ANTXR1: variants seen among roughly 807,000 people sequenced by gnomAD.
ANTXR1 encodes ANTXR cell adhesion molecule 1.
Under a neutral mutation model 78.1 loss-of-function variants are expected in ANTXR1, and 19 were observed. The ratio of observed to expected loss-of-function variants is 0.24; its 90% CI spans 0.17 to 0.36. The LOEUF is 0.36. Among genes scored for constraint, ANTXR1 ranks in the 10% least tolerant of loss-of-function variants. The probability of loss-of-function intolerance (pLI) is 1.00; values close to 1 mark genes in which losing one functional copy is unlikely to be tolerated. For missense variants in ANTXR1, 518 were observed against 718.6 expected (o/e 0.72, Z 3.19); for synonymous variants, 273 against 260.5 (o/e 1.05, Z -0.46).
At chr2:69,215,233 G>T (rs1388987321) in intron 17 of ANTXR1, among the ~76,000 whole-genome samples, 1 of 152,174 alleles carries the variant, frequency 6.6e-6, no homozygotes, top group East Asian at 1.9e-4. Context: ...AAGCCCTGAT[G>T]AAATCTCTAC....
rs79337921 is a variant in ANTXR1, at chr2:69,152,148, G to A, written c.952-21G>A. The A allele has an allele frequency of 8.3e-3, 13,334 of 1,611,682 alleles. 272 individuals are homozygous for A. In the East Asian group the frequency reaches 0.1, roughly 13 times the overall value. ...ACATGGTCCCATCCCGCTGCTGACC[G>A]CCTCTCTCTTGGCCCTGCAGTCTGA... On this transcript the variant is annotated intron_variant, in intron 12 of 17. Coordinates refer to ENST00000303714, the MANE Select transcript of ANTXR1 (RefSeq NM_032208.3).
chr2:69,156,662 G>C (rs1366352349), intron 13 of ANTXR1, among the ~76,000 whole-genome samples: 1 of 152,228 alleles, frequency 6.6e-6, no homozygotes, highest in Non-Finnish European at 1.5e-5. Flanking sequence ...CACATGGTGG[G>C]AGCAGGAGGA....
rs775392233 is a variant in ANTXR1, at chr2:69,181,833, C to T, written c.1137C>T (p.Asp379=). The change falls in exon 15 of 18, where the codon GAC becomes GAT. Residue 379 remains aspartate, a synonymous_variant. Coordinates refer to ENST00000303714, the MANE Select transcript of ANTXR1 (RefSeq NM_032208.3). ...CTAAGAAAAAGTGGCCAACGGTAGA[C>T]GCCTCTTATTATGGTGGGAGAGGCG... ...GLPKKKWPTV[D]ASYYGGRGVG... 2.0e-5 allele frequency: 33 copies of T among 1,613,968 alleles called. No individual in the cohort carries two copies. Among genetic ancestry groups the T allele is most frequent in the East Asian group, 2.2e-5 (1 of 44,886 alleles).
chr2:69,186,270 G>A (rs1674413171), intron 16 of ANTXR1, among the ~76,000 whole-genome samples: 4 of 152,232 alleles, frequency 2.6e-5, no homozygotes, highest in Non-Finnish European at 1.5e-5. Flanking sequence ...AGAAGCACAG[G>A]AAGAAATTCA....
At chr2:69,175,452 CGAT>C (rs1017376103) in intron 14 of ANTXR1, among the ~76,000 whole-genome samples, 3 of 151,832 alleles carry the variant, frequency 2.0e-5, no homozygotes, top group African/African-American at 4.9e-5. Flanking sequence ...CCCCCGCCGC[CGAT>C]ATCTACAAAA....
intron 1 of ANTXR1, among the ~76,000 whole-genome samples, chr2:69,017,811 T>C (rs1671065527): frequency 6.6e-6 from 1 of 152,192 alleles, no homozygotes; most frequent in Non-Finnish European, 1.5e-5. Context: ...AAGAAACAGC[T>C]AGCCTCTTTT....
chr2:69,236,191 C>T (rs1054219305), intron 17 of ANTXR1, among the ~76,000 whole-genome samples: 6 of 152,042 alleles, frequency 3.9e-5, no homozygotes, highest in Admixed American at 2.0e-4. Flanking sequence ...ATAAAGAGCT[C>T]TTACAAATCA....
chr2:69,134,335 C>A (rs187048078), intron 12 of ANTXR1, among the ~76,000 whole-genome samples: 221 of 152,270 alleles, frequency 1.5e-3, no homozygotes, highest in African/African-American at 4.9e-3. Context: ...GCAGCTATAC[C>A]TTTAGAGCCC....
intron 17 of ANTXR1, among the ~76,000 whole-genome samples, chr2:69,209,958 G>A (rs1258475981): frequency 3.9e-5 from 6 of 152,238 alleles, no homozygotes; most frequent in African/African-American, 7.2e-5. Context: ...AAGATGACCA[G>A]GGATGAAGTG....
chr2:69,013,260 A>T lies in ANTXR1; in HGVS notation c.-240A>T. ...CCGGACCGAGGCAGCCCTCCCCTTT[A>T]AAAGAAGCGGAGGACAGGATTGGGA... is the stretch of plus-strand genomic sequence containing the variant. On this transcript the variant is annotated 5_prime_UTR_variant, in exon 1 of 18. Transcript: ENST00000303714. The surrounding 1 kb of genome is among the most constrained non-coding windows in gnomAD (Gnocchi z 5.0). 1.6e-6 allele frequency: 1 copy of T among 631,510 alleles called. No individual in the cohort carries two copies. The highest frequency in any genetic ancestry group is 2.7e-6 in the Non-Finnish European group (1 of 364,730). 39.1% of individuals were successfully genotyped at this position (631,510 alleles called of 1,614,324 possible).
chr2:69,152,336 A>C, intron 13 of ANTXR1, 72 bp downstream of exon 13: 1 of 1,494,522 alleles, frequency 6.7e-7, no homozygotes, highest in Non-Finnish European at 9.3e-7. Context: ...AGTAGAGAGA[A>C]AGGGATTTTT....
At chr2:69,120,397 G>A (rs1226348975) in intron 10 of ANTXR1, among the ~76,000 whole-genome samples, 1 of 152,208 alleles carries the variant, frequency 6.6e-6, no homozygotes, top group African/African-American at 2.4e-5. Context: ...CGGGTGCGGT[G>A]GCTCACGCCT....
intron 12 of ANTXR1, among the ~76,000 whole-genome samples, chr2:69,148,144 G>A (rs1028775789): frequency 6.6e-6 from 1 of 152,172 alleles, no homozygotes; most frequent in African/African-American, 2.4e-5. Context: ...AGTGTCACTG[G>A]GTTAAAGCCA....
intron 10 of ANTXR1, among the ~76,000 whole-genome samples, chr2:69,120,929 T>C (rs965987173): frequency 6.6e-6 from 1 of 152,220 alleles, no homozygotes; most frequent in Admixed American, 6.5e-5. Flanking sequence ...TTTGGAGCCA[T>C]TGTCTGTCTC....
At chr2:69,086,438 A>T (rs1461192095) in intron 8 of ANTXR1, among the ~76,000 whole-genome samples, 1 of 152,206 alleles carries the variant, frequency 6.6e-6, no homozygotes, top group African/African-American at 2.4e-5. Flanking sequence ...TGCCTCTCTT[A>T]CTCGTCCTCC....
chr2:69,111,916 G>A (rs1189518142), intron 10 of ANTXR1, among the ~76,000 whole-genome samples: 7 of 152,178 alleles, frequency 4.6e-5, no homozygotes, highest in Non-Finnish European at 1.0e-4. Context: ...AGGGAGGATC[G>A]AGGGCAGGAG....
At chr2:69,133,905 A>G (rs1017022537) in intron 12 of ANTXR1, among the ~76,000 whole-genome samples, 36 of 152,334 alleles carry the variant, frequency 2.4e-4, no homozygotes, top group Middle Eastern at 3.4e-3. Flanking sequence ...GGCTAAAATC[A>G]TGGTTCTGCT....
rs367747541 is a variant in ANTXR1 at position 69,099,030 on chromosome 2, T to C, written c.704-3812T>C. ...AGTGGTTTTTAATGTATCACAAAGTTGTACAACTATAATAACTATCTAATT... is the reference window on the plus strand; with the variant it reads ...AGTGGTTTTTAATGTATCACAAAGTCGTACAACTATAATAACTATCTAATT... On this transcript the variant is annotated intron_variant, in intron 9 of 17. Transcript: ENST00000303714. Among the ~76,000 whole-genome samples the C allele has an allele frequency of 1.4e-4, 21 of 152,208 alleles. No individual in the cohort carries two copies. In the East Asian group the frequency reaches 3.9e-3, roughly 28 times the overall value.
At chr2:69,083,331 G>A (rs1250120579) in intron 8 of ANTXR1, among the ~76,000 whole-genome samples, 1 of 152,238 alleles carries the variant, frequency 6.6e-6, no homozygotes, top group Non-Finnish European at 1.5e-5. Context: ...AGCAGCAGCA[G>A]CTCTTCTCAT....
Sources: gnomAD v4.1 joint callset for allele counts (sites outside exome capture counted in the v4.1 genomes callset) on GRCh38, gnomAD v4.1.1 for gene constraint, Gnocchi (gnomAD v3.1) non-coding constraint, MANE v1.5 for transcripts, NCBI Gene and HGNC (gene_info 2026-07-23, HGNC 2026-07-21) for gene names.